The following VPS13C variants were observed in gnomAD, a reference collection of about 807,000 sequenced individuals.
VPS13C encodes intermembrane lipid transfer protein VPS13C.
Under a neutral mutation model 456.8 loss-of-function variants are expected in VPS13C, and 358 were observed. The observed-to-expected ratio is 0.78, with a 90% CI of 0.72 to 0.86. The LOEUF is 0.86. Among genes scored for constraint, VPS13C ranks in the 40% least tolerant of loss-of-function variants. VPS13C has a pLI of 0.00. For synonymous variants in VPS13C, 1,578 were observed against 1,486.7 expected, an observed-to-expected ratio of 1.06 and a Z score of -1.41; for missense variants, 4,818 against 4,385.4, an observed-to-expected ratio of 1.10 and a Z score of -2.79.
intron 81 of VPS13C, chr15:61,864,711 T>C (rs1894424044): frequency 1.0e-6 from 1 of 985,400 alleles, no homozygotes; most frequent in Admixed American, 6.2e-5. Context: ...TGGGATCTCA[T>C]CTTCAGAATG....
intron 9 of VPS13C, among the ~76,000 whole-genome samples, chr15:62,016,062 C>T (rs952053244): frequency 5.3e-5 from 8 of 149,718 alleles, no homozygotes; most frequent in East Asian, 2.0e-4. Context: ...TTCTTCAATG[C>T]GATGTGTATC....
intron 2 of VPS13C, among the ~76,000 whole-genome samples, chr15:62,042,350 C>T (rs1035886749): frequency 5.3e-5 from 8 of 152,102 alleles, no homozygotes; most frequent in East Asian, 1.9e-4. Context: ...ACAGCCTTTC[C>T]GTTAGGTTTG....
chr15:62,037,284 TATATTATATTATATAATATATATATA>T, intron 3 of VPS13C, among the ~76,000 whole-genome samples: 1 of 46,016 alleles, frequency 2.2e-5, no homozygotes, highest in Non-Finnish European at 3.7e-5. Flanking sequence ...ATATATTATA[TATATTATATTATATAATATATATATA>T]AATATATTAT....
intron 42 of VPS13C, 89 bp downstream of exon 42, chr15:61,949,354 C>T: frequency 2.1e-6 from 3 of 1,450,872 alleles, no homozygotes; most frequent in Non-Finnish European, 2.8e-6. Context: ...TGTCAACATG[C>T]TAAATATTCA....
intron 66 of VPS13C, among the ~76,000 whole-genome samples, chr15:61,893,856 T>C (rs2042724872): frequency 6.6e-6 from 1 of 152,080 alleles, no homozygotes; most frequent in Admixed American, 6.6e-5. Context: ...GTCTATAAGA[T>C]GTTTTTTGTA....
rs753183613 is a variant in VPS13C at position 61,942,011 on chromosome 15, C to A, written c.5205G>T (p.Gln1735His). Reference sequence around the variant, plus strand: ...TGCTGGAAGCAGCTCTTTCTGCAGCCTGGACTGTGGCTGTACTCAAAGCTT... The same window carrying A: ...TGCTGGAAGCAGCTCTTTCTGCAGCATGGACTGTGGCTGTACTCAAAGCTT... ...AKEALSTATV[Q>H]AAERAASSMK... Residue 1735 changes from glutamine to histidine, a missense_variant, in exon 46 of 85, where the codon CAG (glutamine) becomes CAT (histidine). Physicochemically the swap from Gln to His is conservative, Grantham distance 24. This residue lies in a region of VPS13C where 4,552 missense variants were observed against 4,130.6 expected (regional missense o/e 1.10). Coordinates refer to ENST00000644861, the MANE Select transcript of VPS13C (RefSeq NM_020821.3). The A allele has an allele frequency of 4.3e-6, 7 of 1,613,774 alleles. No individual in the cohort carries two copies. The South Asian group carries it at 5.5e-5, about 13-fold the overall frequency.
chr15:61,903,273 C>G lies in VPS13C; in HGVS notation c.9105+3991G>C, dbSNP rs550187885. ...ATTACTTGAGCCTGGGAGGTTGAGG[C>G]TGGAGTGAACCATGATCACACCACT... On this transcript the variant is annotated intron_variant, in intron 66 of 84. Transcript: ENST00000644861. 7.9e-5 allele frequency among the ~76,000 whole-genome samples: 12 copies of G among 151,848 alleles called. No individual in the cohort carries two copies. The South Asian group carries it at 1.9e-3, about 24-fold the overall frequency.
At chr15:61,971,779 G>C (rs1247362619) in intron 27 of VPS13C, among the ~76,000 whole-genome samples, 1 of 152,218 alleles carries the variant, frequency 6.6e-6, no homozygotes, top group Non-Finnish European at 1.5e-5. Context: ...TGGAGAAAGA[G>C]AGAAGTTGAA....
chr15:62,050,479 T>C (rs533759114), intron 1 of VPS13C, among the ~76,000 whole-genome samples: 1 of 152,280 alleles, frequency 6.6e-6, no homozygotes, highest in African/African-American at 2.4e-5. Context: ...TCAAAGCCAA[T>C]CTTGAAAGAT....
chr15:61,924,890 A>G (rs541955484), intron 53 of VPS13C, among the ~76,000 whole-genome samples: 26 of 152,218 alleles, frequency 1.7e-4, no homozygotes, highest in Non-Finnish European at 3.4e-4. Flanking sequence ...TATATCTTCT[A>G]TTCGTGACTG....
chr15:62,007,540 A>T (rs1409231358), intron 14 of VPS13C, 61 bp from the exon 15 acceptor site: 1 of 1,381,114 alleles, frequency 7.2e-7, no homozygotes, highest in Non-Finnish European at 9.5e-7. Flanking sequence ...AAACAGGAAA[A>T]GTCTTGACAT....
At chr15:62,022,260 G>A (rs1185231054) in intron 8 of VPS13C, among the ~76,000 whole-genome samples, 1 of 151,654 alleles carries the variant, frequency 6.6e-6, no homozygotes, top group African/African-American at 2.4e-5. Flanking sequence ...ATATACATAC[G>A]TATGATAAAG....
intron 58 of VPS13C, 45 bp downstream of exon 58, chr15:61,919,244 T>C: frequency 5.2e-6 from 8 of 1,552,668 alleles, no homozygotes; most frequent in Non-Finnish European, 6.9e-6. Context: ...GATTTAACCA[T>C]TTCTTGGTAC....
At chr15:62,037,988 G>T (rs1260641728) in intron 3 of VPS13C, among the ~76,000 whole-genome samples, 2 of 152,130 alleles carry the variant, frequency 1.3e-5, no homozygotes, top group African/African-American at 2.4e-5. Flanking sequence ...AGATGCTAGA[G>T]TAGTGAAAGA....
chr15:61,963,975 T>C, intron 31 of VPS13C, 24 bp from the exon 32 acceptor site: 5 of 1,452,454 alleles, frequency 3.4e-6, no homozygotes, highest in Non-Finnish European at 4.8e-6. Flanking sequence ...AAAGCATCTG[T>C]CACATGGTGA....
chr15:61,978,521 G>C, intron 23 of VPS13C, 105 bp downstream of exon 23: 1 of 1,352,370 alleles, frequency 7.4e-7, no homozygotes. Flanking sequence ...GAATATGTGT[G>C]CAAAATGGTT....
chr15:61,995,027 T>A (rs1253045328), intron 16 of VPS13C, among the ~76,000 whole-genome samples: 1 of 152,238 alleles, frequency 6.6e-6, no homozygotes, highest in Non-Finnish European at 1.5e-5. Context: ...CTGCTCCATT[T>A]ATCTGCTCTG....
Position 61,867,858 on chromosome 15 carries a change from A to G in VPS13C, c.10863+801T>C. 1.3e-6 allele frequency: 2 copies of G among 1,579,402 alleles called. No individual in the cohort carries two copies. The highest frequency in any genetic ancestry group is 8.6e-7 in the Non-Finnish European group (1 of 1,163,796). Reference sequence around the variant, plus strand: ...AAAATTGACAATGGAATTCACACACAGTCAATTAACACCACAGTTTGTTTT... The same window carrying G: ...AAAATTGACAATGGAATTCACACACGGTCAATTAACACCACAGTTTGTTTT... On this transcript the variant is annotated intron_variant, in intron 81 of 84. Transcript: ENST00000644861. The surrounding 1 kb of genome is among the most constrained non-coding windows in gnomAD (Gnocchi z 5.0).
At chr15:61,911,312 C>G (rs888481881) in intron 63 of VPS13C, among the ~76,000 whole-genome samples, 1 of 152,184 alleles carries the variant, frequency 6.6e-6, no homozygotes, top group Non-Finnish European at 1.5e-5. Context: ...TCTATAACAC[C>G]ATGATTTCAA....
Sources: allele counts gnomAD v4.1 joint callset (sites outside exome capture counted in the v4.1 genomes callset), GRCh38; gene constraint gnomAD v4.1.1; regional missense constraint gnomAD v4.1.1; non-coding constraint Gnocchi (gnomAD v3.1); transcripts MANE v1.5; gene names NCBI Gene and HGNC (gene_info 2026-07-23, HGNC 2026-07-21).